Variants in INF2 observed in about 807,000 individuals in gnomAD.
INF2 encodes the protein inverted formin-2.
In INF2, 43 loss-of-function variants were observed where a neutral mutation model predicts 123.5. The ratio of observed to expected loss-of-function variants is 0.35; its 90% CI spans 0.27 to 0.45. The LOEUF is 0.45. Among genes scored for constraint, INF2 ranks in the 20% least tolerant of loss-of-function variants. The pLI, the probability that INF2 is intolerant of heterozygous loss-of-function variation, is 1.00. For synonymous variants in INF2, 851 were observed against 745.0 expected, an observed-to-expected ratio of 1.14 and a Z score of -2.32; for missense variants, 1,453 against 1,682.7, an observed-to-expected ratio of 0.86 and a Z score of 2.39.
chr14:104,706,552 G>A (rs1163092256), intron 6 of INF2, among the ~76,000 whole-genome samples: 3 of 152,180 alleles, frequency 2.0e-5, no homozygotes, highest in Non-Finnish European at 4.4e-5. Flanking sequence ...CTAAGAGGCT[G>A]AATTCTCGTC....
intron 21 of INF2, 111 bp downstream of exon 21, chr14:104,714,967 T>C: frequency 8.3e-7 from 1 of 1,207,812 alleles, no homozygotes; most frequent in Non-Finnish European, 1.1e-6. Context: ...CCAGGAGAGG[T>C]GACTTGGGTG....
chr14:104,709,035 G>A (rs903112267), intron 10 of INF2, among the ~76,000 whole-genome samples: 1 of 152,180 alleles, frequency 6.6e-6, no homozygotes, highest in African/African-American at 2.4e-5. Flanking sequence ...CTGGCCCGAG[G>A]GAGCTGGCTG....
At chr14:104,717,255 GT>G in intron 22 of INF2, among the ~76,000 whole-genome samples, 1 of 134,530 alleles carries the variant, frequency 7.4e-6, no homozygotes, top group African/African-American at 3.0e-5. Flanking sequence ...CGTCCTCCCA[GT>G]CCGCCCCCAC....
chr14:104,712,509 G>A lies in INF2; in HGVS notation c.2566G>A (p.Ala856Thr), dbSNP rs1890102379. 1 of 1,612,552 alleles carries A rather than the reference G, an allele frequency of 6.2e-7. No individual in the cohort carries two copies. Among genetic ancestry groups the A allele is most frequent in the Admixed American group, 1.7e-5 (1 of 60,004 alleles). ...KLLETERKVSASVAEVQEQYT... is the reference protein window; with the variant it reads ...KLLETERKVSTSVAEVQEQYT... Reference sequence around the variant, plus strand: ...TCTGGAGACCGAGCGGAAGGTGTCTGCCTCCGTGGCCGAGGTCCAGGAGCA... The same window carrying A: ...TCTGGAGACCGAGCGGAAGGTGTCTACCTCCGTGGCCGAGGTCCAGGAGCA... The change falls in exon 17 of 23, where the codon GCC (alanine) becomes ACC (threonine). Residue 856 changes from alanine to threonine, a missense_variant. By Grantham distance (58) the Ala-to-Thr change is moderately conservative. Coordinates refer to ENST00000392634, the MANE Select transcript of INF2 (RefSeq NM_022489.4).
chr14:104,700,096 C>T (rs1889400384), intron 1 of INF2, among the ~76,000 whole-genome samples: 1 of 152,164 alleles, frequency 6.6e-6, no homozygotes, highest in Admixed American at 6.5e-5. Context: ...CCTGGGGAGG[C>T]AGGCGCTTGG....
rs541027725 is a variant in INF2 at position 104,714,632 on chromosome 14, A to G, written c.3470A>G (p.His1157Arg). ...STSEGLEDAV[H>R]SRGARPPAAG... ...AGTGAGGGGCTGGAGGACGCTGTCC[A>G]CAGCCGTGGTGCCAGACCCCCTGCA... is the stretch of plus-strand genomic sequence containing the variant. Residue 1157 changes from histidine to arginine, a missense_variant, in exon 21 of 23, where the codon CAC becomes CGC. Around this residue, in one of 8 missense-constraint regions of INF2, gnomAD observed 344 missense variants for 333.1 expected, o/e 1.03. Coordinates refer to ENST00000392634, the MANE Select transcript of INF2 (RefSeq NM_022489.4). The G allele has an allele frequency of 1.2e-6, 2 of 1,612,616 alleles. No homozygotes were observed. Among genetic ancestry groups the G allele is most frequent in the Admixed American group, 1.7e-5 (1 of 60,024 alleles).
At position 104,714,137 on chromosome 14, in the gene INF2, G is replaced by GAGGCTGC. The variant is rs1595179549; in HGVS notation, c.3041-64_3041-58dup. 3 of 1,346,400 alleles carry GAGGCTGC rather than the reference G, an allele frequency of 2.2e-6. No individual in the cohort carries two copies. The East Asian group carries it at 7.5e-5, about 34-fold the overall frequency. 83.4% of individuals were successfully genotyped at this position (1,346,400 alleles called of 1,614,324 possible). On this transcript the variant is annotated intron_variant, in intron 20 of 22. Coordinates refer to ENST00000392634, the MANE Select transcript of INF2 (RefSeq NM_022489.4). Reference sequence around the variant, plus strand: ...CGTTCAGGTAGACAGCGGAATGGAGGAGGCTGCACCTGGGCTGGCTCGGGG... The same window carrying GAGGCTGC: ...CGTTCAGGTAGACAGCGGAATGGAGGAGGCTGCAGGCTGCACCTGGGCTGGCTCGGGG...
rs1890028353 is a variant in INF2 at position 104,711,156 on chromosome 14, C to T, written c.2388C>T (p.Asn796=). The change falls in exon 15 of 23, where the codon AAC becomes AAT. Residue 796 remains asparagine (N), a synonymous_variant. Transcript: ENST00000392634. ...TCACGGAGACCAAGTCCCAGCAGAACCGCGTGACGCTGCTGCACCACGTGC... is the reference window on the plus strand; with the variant it reads ...TCACGGAGACCAAGTCCCAGCAGAATCGCGTGACGCTGCTGCACCACGTGC... ...LKLTETKSQQ[N]RVTLLHHVLE... 2 of 1,568,660 alleles carry T rather than the reference C, an allele frequency of 1.3e-6. No homozygotes were observed. The highest frequency in any genetic ancestry group is 1.7e-6 in the Non-Finnish European group (2 of 1,157,990).
intron 6 of INF2, among the ~76,000 whole-genome samples, chr14:104,706,661 G>A (rs1889793614): frequency 6.6e-6 from 1 of 152,166 alleles, no homozygotes; most frequent in Admixed American, 6.5e-5. Context: ...GACATTTTTG[G>A]CTGCCACGGC....
rs1232205927 is a variant in INF2 at position 104,718,962 on chromosome 14, G to A, written c.*169G>A. ...TCCTGGAGCCTTCTTGGGGTGTTGT[G>A]GCTGGGAACCCGACAGGCACCAGTG... On this transcript the variant is annotated 3_prime_UTR_variant, in exon 23 of 23. Transcript: ENST00000392634. The A allele has an allele frequency of 7.1e-7, 1 of 1,413,654 alleles. No individual in the cohort carries two copies. The highest frequency in any genetic ancestry group is 9.2e-7 in the Non-Finnish European group (1 of 1,084,746). 87.6% of individuals were successfully genotyped at this position (1,413,654 alleles called of 1,614,324 possible). A position where few individuals can be genotyped will look rare whatever the true frequency, so the allele number is the denominator to read the frequency against.
rs201292830 is a variant in INF2 at position 104,712,515 on chromosome 14, G to A, written c.2572G>A (p.Val858Met). The A allele has an allele frequency of 6.4e-5, 104 of 1,612,562 alleles. No homozygotes were observed. The highest frequency in any genetic ancestry group is 9.9e-5 in the South Asian group (9 of 91,090). ...GACCGAGCGGAAGGTGTCTGCCTCC[G>A]TGGCCGAGGTCCAGGAGCAGTACAC... is the stretch of plus-strand genomic sequence containing the variant. ...LETERKVSAS[V>M]AEVQEQYTER... Residue 858 changes from valine (V) to methionine (M), a missense_variant, in exon 17 of 23, where the codon GTG becomes ATG. Physicochemically the swap from Val to Met is conservative, Grantham distance 21. Around this residue, in one of 8 missense-constraint regions of INF2, gnomAD observed 212 missense variants for 266.2 expected, o/e 0.80. Transcript: ENST00000392634.
intron 13 of INF2, 161 bp from the exon 14 acceptor site, chr14:104,710,776 G>C (rs961767993): frequency 9.3e-5 from 59 of 634,262 alleles, no homozygotes; most frequent in Non-Finnish European, 1.5e-4. Flanking sequence ...TGGAGGGTTT[G>C]CAGCCCCCAG....
upstream of INF2, among the ~76,000 whole-genome samples, chr14:104,685,428 C>A (rs1303079530): frequency 6.6e-6 from 1 of 152,118 alleles, no homozygotes; most frequent in African/African-American, 2.4e-5. Context: ...GGCAAAGCTG[C>A]CAGCTACAGA....
In INF2 at chr14:104,703,419, T is replaced by TGC; in HGVS notation, c.641_642dup (p.Thr215AlafsTer29). Reference sequence around the variant, plus strand: ...GCCGTCATCTTGGGCCCCGAGGACCTGCGCGCGCGCACCCAGCTGCGGAAC... The same window carrying TGC: ...GCCGTCATCTTGGGCCCCGAGGACCTGCGCGCGCGCGCACCCAGCTGCGGAAC... On this transcript the variant is annotated frameshift_variant, in exon 4 of 23. Transcript: ENST00000392634. LOFTEE classifies it high-confidence loss of function. 3 of 1,612,820 alleles carry TGC rather than the reference T, an allele frequency of 1.9e-6. No homozygotes were observed. Among genetic ancestry groups the TGC allele is most frequent in the Non-Finnish European group, 2.5e-6 (3 of 1,179,930 alleles).
chr14:104,701,790 A>C, intron 2 of INF2, 34 bp downstream of exon 2: 15 of 1,455,410 alleles, frequency 1.0e-5, no homozygotes, highest in Non-Finnish European at 1.4e-5. Flanking sequence ...GCCCAGGCGG[A>C]CGCTGGGGAC....
At chr14:104,709,416 T>G (rs1255895487) in intron 11 of INF2, 33 bp downstream of exon 11, 3 of 1,541,632 alleles carry the variant, frequency 1.9e-6, no homozygotes, top group Non-Finnish European at 2.7e-6. Flanking sequence ...CCACCCCCAG[T>G]TAGTGCCACC....
intron 1 of INF2, among the ~76,000 whole-genome samples, chr14:104,694,069 C>T (rs1001400650): frequency 7.2e-5 from 11 of 152,248 alleles, no homozygotes; most frequent in African/African-American, 2.2e-4. Flanking sequence ...AGGGCCCCCC[C>T]GGCTGCCCCT....
intron 1 of INF2, among the ~76,000 whole-genome samples, chr14:104,697,284 G>A (rs1240924325): frequency 6.6e-6 from 1 of 152,206 alleles, no homozygotes; most frequent in South Asian, 2.1e-4. Context: ...TGAGGGAGCC[G>A]AGGCCTGGGG....
Position 104,709,266 on chromosome 14 carries a change from C to T in INF2, c.1950-15C>T, listed in dbSNP as rs769574859. Reference sequence around the variant, plus strand: ...ATGATTCACTCACCCCTGCCCGGTCCTCTCCCTGCTCCAGCTCCAACGAGG... The same window carrying T: ...ATGATTCACTCACCCCTGCCCGGTCTTCTCCCTGCTCCAGCTCCAACGAGG... On this transcript the variant is annotated splice_polypyrimidine_tract_variant and intron_variant, in intron 10 of 22. Coordinates refer to ENST00000392634, the MANE Select transcript of INF2 (RefSeq NM_022489.4). The T allele has an allele frequency of 3.4e-5, 54 of 1,605,554 alleles. No homozygotes were observed. Among genetic ancestry groups the T allele is most frequent in the Middle Eastern group, 1.6e-4 (1 of 6,068 alleles).
Sources: gnomAD v4.1 joint callset for allele counts (sites outside exome capture counted in the v4.1 genomes callset) on GRCh38, gnomAD v4.1.1 for gene constraint, gnomAD v4.1.1 regional missense constraint, MANE v1.5 for transcripts, NCBI Gene and HGNC (gene_info 2026-07-23, HGNC 2026-07-21) for gene names.